The following IL5RA variants were observed in gnomAD, a reference collection of about 807,000 sequenced individuals.
IL5RA encodes the protein interleukin 5 receptor subunit alpha, also known as interleukin-5 receptor subunit alpha.
In IL5RA, 49 loss-of-function variants were observed where a neutral mutation model predicts 50.0. That is an observed-to-expected ratio of 0.98 (90% CI 0.78 to 1.24). The LOEUF (loss-of-function observed/expected upper bound fraction) is 1.24, where lower values mean the gene tolerates loss of function less well. IL5RA is among the 50% of genes most tolerant of loss of function. The pLI is 0.00. For missense variants in IL5RA, 600 were observed against 500.4 expected, an observed-to-expected ratio of 1.20 and a Z score of -1.90; for synonymous variants, 202 against 174.0, an observed-to-expected ratio of 1.16 and a Z score of -1.26.
intron 7 of IL5RA, 108 bp from the exon 8 acceptor site, chr3:3,095,552 T>C (rs1703321527): frequency 2.2e-6 from 2 of 920,056 alleles, no homozygotes; most frequent in Non-Finnish European, 1.7e-6. Flanking sequence ...ATACGCTTTT[T>C]TCAAATATTT....
At chr3:3,098,346 A>T (rs1446707878) in intron 5 of IL5RA, 56 bp from the exon 6 acceptor site, 2 of 1,494,406 alleles carry the variant, frequency 1.3e-6, no homozygotes, top group Non-Finnish European at 1.9e-6. Flanking sequence ...TCTGAATTTC[A>T]TGCTTCTTTT....
At position 3,097,991 on chromosome 3, in the gene IL5RA, G is replaced by A; in HGVS notation, c.588C>T (p.Cys196=). Residue 196 remains cysteine, a synonymous_variant, in exon 7 of 12, where the codon TGC becomes TGT. Transcript: ENST00000446632. ...SKDTLGRNIA[C]WFPRTFILSK... The stretch of plus-strand genomic sequence containing the variant: ...TGAGGATAAAAGTCCTGGGAAACCA[G>A]CATGCGATATTTCTCCCCAGTGTGT... 6.2e-7 allele frequency: 1 copy of A among 1,614,188 alleles called. No individual in the cohort carries two copies. The highest frequency in any genetic ancestry group is 8.5e-7 in the Non-Finnish European group (1 of 1,180,034).
chr3:3,108,963 A>G (rs951626480), intron 1 of IL5RA, among the ~76,000 whole-genome samples: 10 of 152,272 alleles, frequency 6.6e-5, no homozygotes, highest in African/African-American at 2.4e-4. Flanking sequence ...ACCATGAAAG[A>G]GGACATATTC....
chr3:3,106,835 A>C (rs1436216319), intron 2 of IL5RA, among the ~76,000 whole-genome samples: 1 of 152,168 alleles, frequency 6.6e-6, no homozygotes, highest in African/African-American at 2.4e-5. Flanking sequence ...AGGTCAGAAA[A>C]AACTGCAAAA....
intron 10 of IL5RA, among the ~76,000 whole-genome samples, chr3:3,075,224 T>TTTTTG (rs1702436254): frequency 6.7e-6 from 1 of 148,410 alleles, no homozygotes. Context: ...TTTTTTTTTT[T>TTTTTG]TTTGGTCTTG....
chr3:3,102,618 T>G, intron 4 of IL5RA, 57 bp downstream of exon 4: 1 of 1,197,650 alleles, frequency 8.3e-7, no homozygotes, highest in Non-Finnish European at 1.2e-6. Context: ...ATAAAGAAAA[T>G]GCAGTCAAAA....
intron 3 of IL5RA, among the ~76,000 whole-genome samples, chr3:3,104,200 T>A (rs374266290): frequency 6.6e-6 from 1 of 152,198 alleles, no homozygotes. Context: ...CCACCACACC[T>A]GGCTATTTTT....
chr3:3,109,754 T>C (rs1398491319), intron 1 of IL5RA, among the ~76,000 whole-genome samples, 191 bp downstream of exon 1: 1 of 152,198 alleles, frequency 6.6e-6, no homozygotes, highest in Non-Finnish European at 1.5e-5. Context: ...TTGTTTCCCC[T>C]TTTTGTTGTT....
chr3:3,077,988 G>T (rs1453827360), intron 9 of IL5RA, among the ~76,000 whole-genome samples: 1 of 152,010 alleles, frequency 6.6e-6, no homozygotes, highest in Non-Finnish European at 1.5e-5. Context: ...TATATGTTTG[G>T]AACTGTACAA....
At chr3:3,102,433 A>T (rs1703696058) in intron 4 of IL5RA, among the ~76,000 whole-genome samples, 1 of 152,270 alleles carries the variant, frequency 6.6e-6, no homozygotes, top group South Asian at 2.1e-4. Context: ...GTTACTAAAC[A>T]TTCTTCCTTA....
intron 9 of IL5RA, among the ~76,000 whole-genome samples, chr3:3,090,567 T>G (rs1331265274): frequency 7.2e-6 from 1 of 139,304 alleles, no homozygotes; most frequent in Non-Finnish European, 1.5e-5. Flanking sequence ...TTTTCTTTTC[T>G]TTCTTTTTTT....
intron 2 of IL5RA, among the ~76,000 whole-genome samples, chr3:3,107,732 C>G (rs895144814): frequency 6.6e-6 from 1 of 152,192 alleles, no homozygotes; most frequent in Non-Finnish European, 1.5e-5. Flanking sequence ...TAAAATTCCT[C>G]AAGTGCTCTC....
At chr3:3,098,334 ACT>A in intron 5 of IL5RA, 44 bp from the exon 6 acceptor site, 1 of 1,552,802 alleles carries the variant, frequency 6.4e-7, no homozygotes, top group East Asian at 2.2e-5. Context: ...GCCATGGCAA[ACT>A]CTGAATTTCA....
intron 2 of IL5RA, among the ~76,000 whole-genome samples, chr3:3,108,005 A>G (rs1277184190): frequency 1.3e-5 from 2 of 152,156 alleles, no homozygotes; most frequent in African/African-American, 4.8e-5. Flanking sequence ...CTGTTTTTAA[A>G]ACCTTTTTGA....
rs781749289 is a variant in IL5RA, at chr3:3,101,685, G to T, written c.367+7C>A. 3.1e-6 allele frequency: 5 copies of T among 1,611,620 alleles called. No homozygotes were observed. Among genetic ancestry groups the T allele is most frequent in the Non-Finnish European group, 3.4e-6 (4 of 1,179,448 alleles). ...ATACAAACTGGACTTTTGGAGGCCT[G>T]CTTTACCTGGTGGGGCATGAAGTTC... is the stretch of plus-strand genomic sequence containing the variant. On this transcript the variant is annotated splice_region_variant and intron_variant, in intron 5 of 11. Transcript: ENST00000446632.
chr3:3,070,616 CT>C (rs35508756), intron 11 of IL5RA, among the ~76,000 whole-genome samples: 32,563 of 122,620 alleles, frequency 0.27, 4,580 homozygotes, highest in African/African-American at 0.37. Flanking sequence ...GAGTCTCACT[CT>C]TGTCACCCTG....
At chr3:3,101,648 A>T in intron 5 of IL5RA, 44 bp downstream of exon 5, 1 of 1,577,290 alleles carries the variant, frequency 6.3e-7, no homozygotes, top group Non-Finnish European at 8.6e-7. Context: ...CCATATTTGC[A>T]AAGTCCAAAA....
At chr3:3,077,779 C>G (rs569770689) in intron 9 of IL5RA, among the ~76,000 whole-genome samples, 1 of 152,044 alleles carries the variant, frequency 6.6e-6, no homozygotes, top group East Asian at 1.9e-4. Flanking sequence ...CACCAGCCCC[C>G]CTGCAAAAAA....
At chr3:3,090,570 CTT>C (rs35917277) in intron 9 of IL5RA, among the ~76,000 whole-genome samples, 7 of 113,668 alleles carry the variant, frequency 6.2e-5, no homozygotes, top group Admixed American at 9.1e-5. Flanking sequence ...TCTTTTCTTT[CTT>C]TTTTTTTTTT....
Sources: gnomAD v4.1 joint callset for allele counts (sites outside exome capture counted in the v4.1 genomes callset) on GRCh38, gnomAD v4.1.1 for gene constraint, MANE v1.5 for transcripts, NCBI Gene and HGNC (gene_info 2026-07-23, HGNC 2026-07-21) for gene names.